Variants in CUBN observed in about 807,000 individuals in gnomAD.
CUBN encodes the protein cubilin.
Under a neutral mutation model 405.3 loss-of-function variants are expected in CUBN, and 282 were observed. That is an observed-to-expected ratio of 0.70 (90% CI 0.63 to 0.77). CUBN has a LOEUF of 0.77. CUBN is among the 30% of genes least tolerant of loss of function. The pLI, the probability that CUBN is intolerant of heterozygous loss-of-function variation, is 0.00. For synonymous variants in CUBN, 1,684 were observed against 1,617.0 expected, an observed-to-expected ratio of 1.04 and a Z score of -0.99; for missense variants, 4,514 against 4,475.2, an observed-to-expected ratio of 1.01 and a Z score of -0.25.
intron 60 of CUBN, among the ~76,000 whole-genome samples, chr10:16,846,742 G>A (rs1201014684): frequency 6.6e-6 from 1 of 150,950 alleles, no homozygotes; most frequent in Non-Finnish European, 1.5e-5. Context: ...AATTCGGGAG[G>A]CAGAGGTTGC....
At chr10:16,827,230 C>T (rs1564372119) in intron 66 of CUBN, among the ~76,000 whole-genome samples, 1 of 152,214 alleles carries the variant, frequency 6.6e-6, no homozygotes, top group East Asian at 1.9e-4. Context: ...ACTCGTGCAA[C>T]GGAATACTCT....
At chr10:16,974,164 C>T (rs901437527) in intron 31 of CUBN, among the ~76,000 whole-genome samples, 6 of 152,228 alleles carry the variant, frequency 3.9e-5, no homozygotes, top group African/African-American at 1.4e-4. Context: ...GACCTAGGTC[C>T]TCTTATTATC....
chr10:17,047,587 G>T lies in CUBN; in HGVS notation c.3156C>A (p.Tyr1052Ter). The T allele has an allele frequency of 1.2e-6, 2 of 1,613,984 alleles. No homozygotes were observed. Among genetic ancestry groups the T allele is most frequent in the African/African-American group, 2.7e-5 (2 of 75,050 alleles). Residue 1052 changes from tyrosine (Y) to a stop codon, truncating the protein, a stop_gained, in exon 23 of 67, where the codon TAC becomes TAA. Transcript: ENST00000377833. LOFTEE classifies it high-confidence loss of function. Reference protein sequence around the residue: ...ISAATACLQDYTDDLGTFTSP... With the variant: ...ISAATACLQD ...AAGTGAATGTCCCCAAATCATCTGT[G>T]TAGTCTTGCAAACATGCTGTGAACA...
chr10:16,927,450 C>G (rs1418483789), intron 41 of CUBN, among the ~76,000 whole-genome samples: 1 of 152,130 alleles, frequency 6.6e-6, no homozygotes, highest in Non-Finnish European at 1.5e-5. Context: ...CAGTTGCTCC[C>G]TACTTTATAA....
At chr10:16,978,507 A>G (rs61402668) in intron 31 of CUBN, among the ~76,000 whole-genome samples, 4,599 of 152,338 alleles carry the variant, frequency 0.03, 254 homozygotes, top group African/African-American at 0.11. Flanking sequence ...ACAGTGATAA[A>G]TAAACTTAAC....
chr10:17,075,365 T>C (rs770488154), intron 17 of CUBN, among the ~76,000 whole-genome samples: 56 of 152,064 alleles, frequency 3.7e-4, no homozygotes, highest in Non-Finnish European at 6.6e-4. Context: ...ATTACAGATG[T>C]GAACCACCGT....
In CUBN at chr10:16,933,175, A is replaced by G; in HGVS notation, c.6036T>C (p.Ala2012=). Residue 2012 remains alanine, a synonymous_variant, in exon 40 of 67, where the codon GCT becomes GCC. Coordinates refer to ENST00000377833, the MANE Select transcript of CUBN (RefSeq NM_001081.4). ...NRVDCTWLIQ[A]PDSTVELNIL... is the part of the protein sequence containing the mutation. ...TGTTGAGTTCCACGGTAGAGTCGGGAGCCTGGATGAGCCACGTACAGTCCA... is the reference window on the plus strand; with the variant it reads ...TGTTGAGTTCCACGGTAGAGTCGGGGGCCTGGATGAGCCACGTACAGTCCA... 1 of 1,614,046 alleles carries G rather than the reference A, an allele frequency of 6.2e-7. No homozygotes were observed. Among genetic ancestry groups the G allele is most frequent in the Non-Finnish European group, 8.5e-7 (1 of 1,179,988 alleles).
chr10:16,890,256 C>T, intron 55 of CUBN, 115 bp downstream of exon 55: 1 of 939,620 alleles, frequency 1.1e-6, no homozygotes, highest in Admixed American at 1.8e-5. Flanking sequence ...GTGACTCATC[C>T]TCCCCGTAGA....
chr10:16,836,778 C>T (rs1180163949), intron 62 of CUBN, among the ~76,000 whole-genome samples: 1 of 152,204 alleles, frequency 6.6e-6, no homozygotes, highest in Admixed American at 6.5e-5. Context: ...CACCATCACC[C>T]TGATCCAGCC....
rs761783241 is a variant in CUBN, at chr10:17,129,217, C to G, written c.156G>C (p.Val52=). Residue 52 remains valine (V), a synonymous_variant, in exon 2 of 67, where the codon GTG becomes GTC. Transcript: ENST00000377833. ...PRMATERGNL[V]FLTGSAQNIE... ...TGTTTTGAGCAGACCCCGTAAGAAA[C>G]ACCAAATTTCCTCTCTCTGTAGCCA... 2 of 1,613,632 alleles carry G rather than the reference C, an allele frequency of 1.2e-6. No individual in the cohort carries two copies. The highest frequency in any genetic ancestry group is 2.7e-5 in the African/African-American group (2 of 75,018).
chr10:17,009,641 G>C (rs1019029774), intron 28 of CUBN, among the ~76,000 whole-genome samples: 3 of 152,158 alleles, frequency 2.0e-5, no homozygotes, highest in African/African-American at 7.2e-5. Flanking sequence ...ATCACTTAAG[G>C]AGCATTTAGA....
chr10:17,014,828 A>G (rs1353631545), intron 28 of CUBN, among the ~76,000 whole-genome samples: 1 of 152,222 alleles, frequency 6.6e-6, no homozygotes, highest in Non-Finnish European at 1.5e-5. Flanking sequence ...CCCTTGGGGC[A>G]CAACTATCCA....
At chr10:16,927,489 TAGA>T (rs1842226110) in intron 41 of CUBN, among the ~76,000 whole-genome samples, 2 of 152,288 alleles carry the variant, frequency 1.3e-5, no homozygotes, top group Middle Eastern at 3.4e-3. Flanking sequence ...GAGGAAATAT[TAGA>T]TTAATTTTTA....
intron 31 of CUBN, among the ~76,000 whole-genome samples, chr10:16,973,144 C>A (rs1452814276): frequency 6.6e-6 from 1 of 152,178 alleles, no homozygotes; most frequent in Admixed American, 6.5e-5. Context: ...ACATGCTCCC[C>A]GGCATTTCTT....
intron 56 of CUBN, among the ~76,000 whole-genome samples, chr10:16,884,388 A>C (rs922215425): frequency 6.6e-5 from 6 of 90,486 alleles, no homozygotes; most frequent in African/African-American, 2.3e-4. Flanking sequence ...CTGGATCTAT[A>C]ATTTTTTTTT....
At chr10:17,074,587 G>A (rs1380166464) in intron 17 of CUBN, among the ~76,000 whole-genome samples, 1 of 152,124 alleles carries the variant, frequency 6.6e-6, no homozygotes, top group Non-Finnish European at 1.5e-5. Context: ...AGTGTAAATT[G>A]AAGATTCTTT....
intron 27 of CUBN, among the ~76,000 whole-genome samples, chr10:17,023,054 G>A (rs529357916): frequency 6.6e-6 from 1 of 152,300 alleles, no homozygotes; most frequent in East Asian, 1.9e-4. Flanking sequence ...TGTCAGCTCT[G>A]CAAGATTAAG....
In CUBN at chr10:17,094,395, C is replaced by T. The variant is rs905627809; in HGVS notation, c.1765+5610G>A. 2.6e-5 allele frequency among the ~76,000 whole-genome samples: 4 copies of T among 152,042 alleles called. No homozygotes were observed. The East Asian group carries it at 7.7e-4, about 29-fold the overall frequency. On this transcript the variant is annotated intron_variant, in intron 14 of 66. Transcript: ENST00000377833. ...GGAATCTGTCTTCAACAGACATGCT[C>T]TGTGAGAAATATTAAAATATGTTCT...
At position 17,085,674 on chromosome 10, in the gene CUBN, G is replaced by A. The variant is rs369616364; in HGVS notation, c.2033C>T (p.Pro678Leu). 1.5e-5 allele frequency: 24 copies of A among 1,613,914 alleles called. No homozygotes were observed. The highest frequency in any genetic ancestry group is 1.9e-5 in the Non-Finnish European group (22 of 1,179,952). ...TGAATGGAAGTGAATTCTGGCAAAG[G>A]GGCCAGTAGTCTGGAGCGGTGGGAC... ...FSVPPLQTTG[P>L]FARIHFHSDS... is the part of the protein sequence containing the mutation. Residue 678 changes from proline (P) to leucine (L), a missense_variant, in exon 16 of 67, where the codon CCC becomes CTC. By Grantham distance (98) the Pro-to-Leu change is moderately conservative. Transcript: ENST00000377833.
Sources: gnomAD v4.1 joint callset for allele counts (sites outside exome capture counted in the v4.1 genomes callset) on GRCh38, gnomAD v4.1.1 for gene constraint, MANE v1.5 for transcripts, NCBI Gene and HGNC (gene_info 2026-07-23, HGNC 2026-07-21) for gene names.